Variants in MAGI1 observed in about 807,000 individuals in gnomAD.
The protein encoded by MAGI1 is membrane associated guanylate kinase, WW and PDZ domain containing 1, also known as membrane-associated guanylate kinase, WW and PDZ domain-containing protein 1.
In MAGI1, 58 loss-of-function variants were observed where a neutral mutation model predicts 139.9. The observed-to-expected ratio is 0.41, with a 90% CI of 0.34 to 0.52. The LOEUF is 0.52. Among genes scored for constraint, MAGI1 ranks in the 20% least tolerant of loss-of-function variants. The probability of loss-of-function intolerance (pLI) is 0.12; values close to 1 mark genes in which losing one functional copy is unlikely to be tolerated. For missense variants in MAGI1, 1,874 were observed against 1,901.6 expected (o/e 0.99, Z 0.27); for synonymous variants, 812 against 737.9 (o/e 1.10, Z -1.63).
At chr3:65,763,863 G>A (rs1247567844) in intron 1 of MAGI1, among the ~76,000 whole-genome samples, 4 of 151,976 alleles carry the variant, frequency 2.6e-5, no homozygotes, top group African/African-American at 9.7e-5. Flanking sequence ...TTGAGCACAG[G>A]AGTTCAAGAC....
At chr3:65,906,271 T>A (rs1258219229) in intron 1 of MAGI1, among the ~76,000 whole-genome samples, 1 of 152,086 alleles carries the variant, frequency 6.6e-6, no homozygotes. Flanking sequence ...GAATAGCACG[T>A]AAAAGCTCCA....
chr3:65,401,178 T>C (rs545866276), intron 13 of MAGI1, among the ~76,000 whole-genome samples: 2 of 152,238 alleles, frequency 1.3e-5, no homozygotes, highest in Non-Finnish European at 2.9e-5. Flanking sequence ...TGCATTTGTA[T>C]AGAGAAGATT....
chr3:65,966,960 C>T (rs1164946815), intron 1 of MAGI1, among the ~76,000 whole-genome samples: 2 of 152,162 alleles, frequency 1.3e-5, no homozygotes, highest in Non-Finnish European at 2.9e-5. Context: ...TGTATTAATA[C>T]ATTTAATCTC....
intron 1 of MAGI1, among the ~76,000 whole-genome samples, chr3:65,646,480 C>G (rs2085268979): frequency 1.3e-5 from 2 of 152,142 alleles, no homozygotes; most frequent in Admixed American, 1.3e-4. Flanking sequence ...CTCTCTTTCT[C>G]TCTCTCAATA....
chr3:65,622,310 T>C (rs2083724224), intron 1 of MAGI1, among the ~76,000 whole-genome samples: 1 of 152,182 alleles, frequency 6.6e-6, no homozygotes, highest in Admixed American at 6.5e-5. Flanking sequence ...AGAGATCCTA[T>C]CTCACATAAT....
chr3:65,626,861 CAAAT>C (rs1243660753), intron 1 of MAGI1, among the ~76,000 whole-genome samples: 4 of 152,152 alleles, frequency 2.6e-5, no homozygotes, highest in Non-Finnish European at 4.4e-5. Context: ...CATCTAATCT[CAAAT>C]TAATTGCCAA....
chr3:65,540,599 A>C (rs897347971), intron 2 of MAGI1, among the ~76,000 whole-genome samples: 1 of 152,194 alleles, frequency 6.6e-6, no homozygotes, highest in African/African-American at 2.4e-5. Flanking sequence ...GTTGCTTTAC[A>C]TCTAAAATGG....
intron 1 of MAGI1, among the ~76,000 whole-genome samples, chr3:66,013,406 TAA>T (rs35481450): frequency 9.1e-6 from 1 of 109,976 alleles, no homozygotes; most frequent in Admixed American, 9.5e-5. Context: ...CTGTCTCAAA[TAA>T]AAAAAAAAAA....
intron 11 of MAGI1, 137 bp from the exon 12 acceptor site, chr3:65,430,277 A>C (rs887255483): frequency 1.2e-6 from 1 of 833,090 alleles, no homozygotes; most frequent in Non-Finnish European, 1.9e-6. Context: ...AAGTGCTTCT[A>C]TTACTGATTT....
chr3:65,634,632 A>G (rs760472190), intron 1 of MAGI1, among the ~76,000 whole-genome samples: 1 of 152,242 alleles, frequency 6.6e-6, no homozygotes, highest in Non-Finnish European at 1.5e-5. Flanking sequence ...GCACTAACGC[A>G]ATATCCAGTA....
chr3:65,550,971 GA>G (rs1462786463), intron 2 of MAGI1, among the ~76,000 whole-genome samples: 1 of 152,066 alleles, frequency 6.6e-6, no homozygotes, highest in Non-Finnish European at 1.5e-5. Context: ...GTCTTAAAAA[GA>G]AACGGAATTC....
At chr3:65,835,284 A>C (rs1049899668) in intron 1 of MAGI1, among the ~76,000 whole-genome samples, 2 of 152,234 alleles carry the variant, frequency 1.3e-5, no homozygotes, top group Non-Finnish European at 2.9e-5. Flanking sequence ...GGGACTAAGT[A>C]CTATGTAACT....
At chr3:65,475,690 T>G (rs751426023) in intron 4 of MAGI1, among the ~76,000 whole-genome samples, 6 of 152,070 alleles carry the variant, frequency 3.9e-5, no homozygotes, top group Non-Finnish European at 8.8e-5. Flanking sequence ...GACTGTCCCA[T>G]TGCTTTGTGT....
At chr3:65,908,003 G>A (rs375351835) in intron 1 of MAGI1, among the ~76,000 whole-genome samples, 2 of 151,916 alleles carry the variant, frequency 1.3e-5, no homozygotes, top group African/African-American at 2.4e-5. Flanking sequence ...AAATTCTTAC[G>A]ATTCATGGAG....
intron 22 of MAGI1, chr3:65,360,070 C>T: frequency 1.0e-6 from 1 of 985,314 alleles, no homozygotes; most frequent in South Asian, 4.7e-5. Flanking sequence ...GTACCTCGGA[C>T]CCCTCGTATT....
intron 14 of MAGI1, among the ~76,000 whole-genome samples, chr3:65,386,296 G>A (rs752235954): frequency 1.3e-5 from 2 of 151,162 alleles, no homozygotes; most frequent in Non-Finnish European, 2.9e-5. Context: ...AGTGGTAAAT[G>A]GCAAATTTAT....
At chr3:65,838,780 T>C in intron 1 of MAGI1, among the ~76,000 whole-genome samples, 1 of 152,246 alleles carries the variant, frequency 6.6e-6, no homozygotes, top group East Asian at 1.9e-4. Context: ...AATGTATATT[T>C]AATTAATTAA....
chr3:65,478,839 T>A (rs1003638558), intron 3 of MAGI1, 41 bp from the exon 4 acceptor site: 18 of 1,481,194 alleles, frequency 1.2e-5, no homozygotes, highest in Non-Finnish European at 1.7e-5. Context: ...TCAAAAGGAA[T>A]ACTTTGTGTT....
chr3:65,680,866 T>C (rs2087547719), intron 1 of MAGI1, among the ~76,000 whole-genome samples: 1 of 152,236 alleles, frequency 6.6e-6, no homozygotes, highest in African/African-American at 2.4e-5. Context: ...ATACTAGAAT[T>C]ATCCTCCCAG....
Sources: gnomAD v4.1 joint callset for allele counts (sites outside exome capture counted in the v4.1 genomes callset) on GRCh38, gnomAD v4.1.1 for gene constraint, MANE v1.5 for transcripts, NCBI Gene and HGNC (gene_info 2026-07-23, HGNC 2026-07-21) for gene names.